The following LYN variants were observed in gnomAD, a reference collection of about 807,000 sequenced individuals.
The protein encoded by LYN is LYN proto-oncogene, Src family tyrosine kinase.
A neutral mutation model predicts 65.0 loss-of-function variants in LYN; 12 were observed. The observed-to-expected ratio is 0.18, with a 90% CI of 0.12 to 0.30. The LOEUF is 0.30. Among genes scored for constraint, LYN ranks in the 10% least tolerant of loss-of-function variants. The pLI is 1.00. For missense variants in LYN, 380 were observed against 623.2 expected (o/e 0.61, Z 4.16); for synonymous variants, 222 against 221.2 (o/e 1.00, Z -0.03).
intron 8 of LYN, among the ~76,000 whole-genome samples, chr8:55,964,866 A>G (rs1473940440): frequency 6.6e-6 from 1 of 152,232 alleles, no homozygotes; most frequent in Non-Finnish European, 1.5e-5. Flanking sequence ...TCATCTTTCT[A>G]TGCTATTCAC....
At chr8:55,926,129 C>T (rs1384435020) in intron 1 of LYN, among the ~76,000 whole-genome samples, 1 of 152,196 alleles carries the variant, frequency 6.6e-6, no homozygotes, top group Non-Finnish European at 1.5e-5. Context: ...AACTACAAAG[C>T]TTTAACATAA....
At chr8:55,920,844 GTGC>G (rs1354066305) in intron 1 of LYN, among the ~76,000 whole-genome samples, 5 of 147,572 alleles carry the variant, frequency 3.4e-5, no homozygotes, top group Non-Finnish European at 7.4e-5. Flanking sequence ...TTATAGGCAT[GTGC>G]TACCACGCCT....
At chr8:55,931,318 T>C (rs1806265109) in intron 1 of LYN, among the ~76,000 whole-genome samples, 1 of 150,594 alleles carries the variant, frequency 6.6e-6, no homozygotes, top group Non-Finnish European at 1.5e-5. Flanking sequence ...TTATGTATTA[T>C]AATAAAATAC....
intron 10 of LYN, among the ~76,000 whole-genome samples, chr8:55,989,966 C>CAGTG: frequency 6.6e-6 from 1 of 152,236 alleles, no homozygotes; most frequent in Middle Eastern, 3.4e-3. Flanking sequence ...TGGCCAGGCA[C>CAGTG]AGTGACTCAT....
chr8:55,929,668 G>C (rs1341637414), intron 1 of LYN, among the ~76,000 whole-genome samples: 2 of 152,216 alleles, frequency 1.3e-5, no homozygotes, highest in African/African-American at 2.4e-5. Flanking sequence ...GTAGCTGGGA[G>C]GCCTGGAGAG....
chr8:55,896,235 A>C (rs1225566810), intron 1 of LYN, among the ~76,000 whole-genome samples: 2 of 151,922 alleles, frequency 1.3e-5, no homozygotes, highest in African/African-American at 4.8e-5. Flanking sequence ...ATGCCACTGC[A>C]CTCCAGCCTG....
At chr8:55,961,470 A>G (rs1298710041) in intron 8 of LYN, among the ~76,000 whole-genome samples, 1 of 152,178 alleles carries the variant, frequency 6.6e-6, no homozygotes, top group African/African-American at 2.4e-5. Flanking sequence ...TATTGTTTCA[A>G]TATCACAGCC....
chr8:55,954,835 A>AAAATAAATAAATAAAT (rs113354539), intron 8 of LYN, among the ~76,000 whole-genome samples: 35 of 148,784 alleles, frequency 2.4e-4, no homozygotes, highest in African/African-American at 5.5e-4. Flanking sequence ...ACCCTGCCTC[A>AAAATAAATAAATAAAT]AAATAAATAA....
At chr8:56,009,463 G>T (rs539115287) in intron 12 of LYN, among the ~76,000 whole-genome samples, 1 of 152,226 alleles carries the variant, frequency 6.6e-6, no homozygotes, top group African/African-American at 2.4e-5. Context: ...ATTTTTCCGG[G>T]GTTCTGGAGT....
At chr8:55,985,307 C>T (rs1808046241) in intron 10 of LYN, among the ~76,000 whole-genome samples, 1 of 152,150 alleles carries the variant, frequency 6.6e-6, no homozygotes, top group South Asian at 2.1e-4. Context: ...GCAGCCACAC[C>T]CACCTGCTCT....
intron 1 of LYN, among the ~76,000 whole-genome samples, chr8:55,929,016 T>C (rs1806189365): frequency 6.6e-6 from 1 of 152,230 alleles, no homozygotes; most frequent in African/African-American, 2.4e-5. Flanking sequence ...CATGTGGATA[T>C]ACAGTTGTTC....
chr8:55,934,224 CA>C (rs1302347009), intron 1 of LYN, among the ~76,000 whole-genome samples: 1 of 149,778 alleles, frequency 6.7e-6, no homozygotes. Context: ...AGATCCGTCT[CA>C]AAAAAAAAGA....
At chr8:55,937,226 G>A (rs1806460763) in intron 1 of LYN, among the ~76,000 whole-genome samples, 2 of 152,156 alleles carry the variant, frequency 1.3e-5, no homozygotes, top group Non-Finnish European at 2.9e-5. Flanking sequence ...CAACAAGGTG[G>A]TGGATGTCCT....
chr8:55,950,539 A>G lies in LYN; in HGVS notation c.365A>G (p.Asn122Ser), dbSNP rs1430012311. 4 of 1,613,750 alleles carry G rather than the reference A, an allele frequency of 2.5e-6. No homozygotes were observed. Among genetic ancestry groups the G allele is most frequent in the South Asian group, 1.1e-5 (1 of 90,940 alleles). Residue 122 changes from asparagine (N) to serine (S), a missense_variant, in exon 5 of 13, where the codon AAC becomes AGC. Coordinates refer to ENST00000519728, the MANE Select transcript of LYN (RefSeq NM_002350.4). ...CCCAGCAACTATGTGGCCAAACTCAACACCTTAGAAACAGAAGAGTGAGTC... is the reference window on the plus strand; with the variant it reads ...CCCAGCAACTATGTGGCCAAACTCAGCACCTTAGAAACAGAAGAGTGAGTC... ...FIPSNYVAKL[N>S]TLETEEWFFK... is the part of the protein sequence containing the mutation.
At chr8:55,954,767 C>T (rs921166466) in intron 8 of LYN, among the ~76,000 whole-genome samples, 13 of 151,880 alleles carry the variant, frequency 8.6e-5, no homozygotes, top group African/African-American at 2.9e-4. Context: ...CCAAGGAGGT[C>T]GAGGCTGCAG....
At chr8:55,912,520 G>A (rs1398870813) in intron 1 of LYN, among the ~76,000 whole-genome samples, 1 of 152,162 alleles carries the variant, frequency 6.6e-6, no homozygotes, top group East Asian at 1.9e-4. Context: ...AGGTCCAGGA[G>A]TTCGAGACCA....
At chr8:55,962,420 C>T (rs768020877) in intron 8 of LYN, among the ~76,000 whole-genome samples, 3 of 151,538 alleles carry the variant, frequency 2.0e-5, no homozygotes, top group African/African-American at 7.3e-5. Context: ...GAGATGCATC[C>T]GTGCTTTTGG....
At chr8:56,005,016 T>C (rs1233273284) in intron 12 of LYN, among the ~76,000 whole-genome samples, 1 of 152,068 alleles carries the variant, frequency 6.6e-6, no homozygotes, top group African/African-American at 2.4e-5. Context: ...AACTCCTGGG[T>C]CAACTGATCC....
intron 1 of LYN, among the ~76,000 whole-genome samples, chr8:55,900,037 G>C (rs1205971650): frequency 6.6e-6 from 1 of 152,164 alleles, no homozygotes; most frequent in Non-Finnish European, 1.5e-5. Context: ...AGGATGTTTA[G>C]CTCAAGCTTA....
Sources: gnomAD v4.1 joint callset for allele counts (sites outside exome capture counted in the v4.1 genomes callset) on GRCh38, gnomAD v4.1.1 for gene constraint, MANE v1.5 for transcripts, NCBI Gene and HGNC (gene_info 2026-07-23, HGNC 2026-07-21) for gene names.